Variants in DNAH5 observed in about 807,000 individuals in gnomAD.
The protein encoded by DNAH5 is dynein axonemal heavy chain 5.
DNAH5 carries 372 observed loss-of-function variants against 518.2 expected under a neutral mutation model. The observed-to-expected ratio is 0.72, with a 90% CI of 0.66 to 0.78. The LOEUF is 0.78. Ranked by LOEUF, DNAH5 falls within the 30% of genes least tolerant of loss-of-function variation. The pLI, the probability that DNAH5 is intolerant of heterozygous loss-of-function variation, is 0.00. For synonymous variants in DNAH5, 2,039 were observed against 2,025.9 expected (o/e 1.01, Z -0.17); for missense variants, 5,523 against 5,687.0 (o/e 0.97, Z 0.93).
At chr5:13,890,041 G>C (rs576061998) in intron 17 of DNAH5, among the ~76,000 whole-genome samples, 2 of 152,178 alleles carry the variant, frequency 1.3e-5, no homozygotes, top group African/African-American at 2.4e-5. Context: ...ACTGCTCCCA[G>C]GAGCTTACTC....
chr5:13,820,699 C>A (rs1344224637), intron 40 of DNAH5, among the ~76,000 whole-genome samples, 200 bp from the exon 41 acceptor site: 4 of 152,054 alleles, frequency 2.6e-5, no homozygotes, highest in Non-Finnish European at 5.9e-5. Context: ...GTGGTGGGCA[C>A]CTGTAGTCCC....
chr5:13,981,974 A>C (rs1412663616), intron 1 of DNAH5, among the ~76,000 whole-genome samples: 1 of 152,234 alleles, frequency 6.6e-6, no homozygotes, highest in Non-Finnish European at 1.5e-5. Flanking sequence ...CGATTCGGTG[A>C]AATTAAACCA....
At chr5:13,772,502 A>C in intron 55 of DNAH5, among the ~76,000 whole-genome samples, 1 of 152,228 alleles carries the variant, frequency 6.6e-6, no homozygotes, top group East Asian at 1.9e-4. Flanking sequence ...GTGCCTGCTG[A>C]GATTCAGTCA....
rs760482011 is a variant in DNAH5, at chr5:13,692,079, C to T, written c.13780G>A (p.Asp4594Asn). 3.7e-6 allele frequency: 6 copies of T among 1,613,938 alleles called. No homozygotes were observed. The highest frequency in any genetic ancestry group is 5.1e-6 in the Non-Finnish European group (6 of 1,179,988). Residue 4594 changes from aspartate (D) to asparagine (N), a missense_variant, in exon 79 of 79, where the codon GAC becomes AAC. By Grantham distance (23) the Asp-to-Asn change is conservative (BLOSUM62 1). Around this residue, in one of 3 missense-constraint regions of DNAH5, gnomAD observed 387 missense variants for 430.0 expected, o/e 0.90. Coordinates refer to ENST00000265104, the MANE Select transcript of DNAH5 (RefSeq NM_001369.3). ...TCCACAGCGGCAATGTAGTTCAAGT[C>T]CGTTCGAACTGGCTTCTTATAGATG... ...CPIYKKPVRT[D>N]LNYIAAVDLR...
At position 13,910,657 on chromosome 5, in the gene DNAH5, C is replaced by G. The variant is rs879479956; in HGVS notation, c.1644+729G>C. Reference sequence around the variant, plus strand: ...TGTCTTCCCATCTTACCCTCCCTGACTCCCCTTTCCTGATAATAAACATTC... The same window carrying G: ...TGTCTTCCCATCTTACCCTCCCTGAGTCCCCTTTCCTGATAATAAACATTC... On this transcript the variant is annotated intron_variant, in intron 12 of 78. Coordinates refer to ENST00000265104, the MANE Select transcript of DNAH5 (RefSeq NM_001369.3). Among the ~76,000 whole-genome samples, 6 of 152,294 alleles carry G rather than the reference C, an allele frequency of 3.9e-5. No individual in the cohort carries two copies. The South Asian group carries it at 1.2e-3, about 32-fold the overall frequency.
intron 58 of DNAH5, among the ~76,000 whole-genome samples, chr5:13,766,465 A>G (rs1752528446): frequency 6.6e-6 from 1 of 152,224 alleles, no homozygotes; most frequent in Admixed American, 6.5e-5. Flanking sequence ...AGAAAAAAGA[A>G]AGGCATAATC....
chr5:13,963,721 T>G (rs896677263), intron 1 of DNAH5, among the ~76,000 whole-genome samples: 2 of 151,984 alleles, frequency 1.3e-5, no homozygotes, highest in South Asian at 2.1e-4. Flanking sequence ...AAAATTGCTC[T>G]CCCCACTACC....
At chr5:13,853,212 T>G (rs1375579079) in intron 30 of DNAH5, among the ~76,000 whole-genome samples, 1 of 152,134 alleles carries the variant, frequency 6.6e-6, no homozygotes, top group Non-Finnish European at 1.5e-5. Flanking sequence ...CCTCCGCTGG[T>G]GATACCCAGG....
In DNAH5 at chr5:13,928,167, A is replaced by G. The variant is rs1778074557; in HGVS notation, c.204T>C (p.Ile68=). ...GACCTCCAACAGCAAAAAGTTGATC[A>G]ATTCTTTCAATCTGGGAAAAAGAAA... ...AILEGNQIER[I]DQLFAVGGLR... is the part of the protein sequence containing the mutation. The change falls in exon 3 of 79, where the codon ATT becomes ATC. Residue 68 remains isoleucine, a synonymous_variant. Transcript: ENST00000265104. 1 of 1,613,312 alleles carries G rather than the reference A, an allele frequency of 6.2e-7. No homozygotes were observed. Among genetic ancestry groups the G allele is most frequent in the South Asian group, 1.1e-5 (1 of 91,072 alleles).
At chr5:13,869,417 A>T (rs1423027183) in intron 24 of DNAH5, among the ~76,000 whole-genome samples, 2 of 152,156 alleles carry the variant, frequency 1.3e-5, no homozygotes, top group Non-Finnish European at 2.9e-5. Context: ...GGAGGTTAAC[A>T]GCACCCCCTG....
intron 33 of DNAH5, 114 bp from the exon 34 acceptor site, chr5:13,841,244 A>T: frequency 1.2e-6 from 1 of 816,192 alleles, no homozygotes; most frequent in Non-Finnish European, 2.0e-6. Flanking sequence ...CCATGATTAC[A>T]TCAACTTTGA....
At chr5:13,795,616 G>C (rs903444837) in intron 47 of DNAH5, among the ~76,000 whole-genome samples, 2 of 152,190 alleles carry the variant, frequency 1.3e-5, no homozygotes, top group Non-Finnish European at 2.9e-5. Context: ...AATTCTACCA[G>C]AGGTACGAAG....
rs149724854 is a variant in DNAH5 at position 13,783,814 on chromosome 5, G to A, written c.8820+2365C>T. Among the ~76,000 whole-genome samples, 111 of 152,322 alleles carry A rather than the reference G, an allele frequency of 7.3e-4. 1 individual carries two copies. Among genetic ancestry groups the A allele is most frequent in the East Asian group, 6.7e-3 (35 of 5,188 alleles). ...CTATCGTGCCTTGTAACTAGGCCAC[G>A]TATTTCAAGGCTCACAGCAGCATGA... is the stretch of plus-strand genomic sequence containing the variant. On this transcript the variant is annotated intron_variant, in intron 52 of 78. Transcript: ENST00000265104.
chr5:13,930,818 T>C (rs1778340647), intron 2 of DNAH5, among the ~76,000 whole-genome samples: 1 of 152,198 alleles, frequency 6.6e-6, no homozygotes, highest in Admixed American at 6.5e-5. Context: ...TCCCCGGCTT[T>C]AGTTTCCAAA....
chr5:13,820,767 G>A (rs543884214), intron 40 of DNAH5, among the ~76,000 whole-genome samples: 15 of 142,942 alleles, frequency 1.0e-4, no homozygotes, highest in Non-Finnish European at 2.3e-4. Flanking sequence ...AGAGGTTGCA[G>A]TAAGCCGAGA....
intron 29 of DNAH5, among the ~76,000 whole-genome samples, chr5:13,860,144 T>C (rs536191019): frequency 7.2e-5 from 11 of 152,314 alleles, no homozygotes; most frequent in Non-Finnish European, 1.6e-4. Flanking sequence ...TGTACATGTG[T>C]GCAAGATTAC....
intron 1 of DNAH5, among the ~76,000 whole-genome samples, chr5:14,006,878 C>A (rs1397669051): frequency 6.6e-6 from 1 of 152,196 alleles, no homozygotes; most frequent in Non-Finnish European, 1.5e-5. Flanking sequence ...GCCCTGGCTG[C>A]AGCATCTCCT....
At chr5:13,704,048 G>T (rs1742466203) in intron 76 of DNAH5, among the ~76,000 whole-genome samples, 1 of 152,120 alleles carries the variant, frequency 6.6e-6, no homozygotes, top group African/African-American at 2.4e-5. Context: ...CCACAATGAG[G>T]GTCCCAGAGT....
At chr5:13,927,508 A>T (rs1778009788) in intron 3 of DNAH5, among the ~76,000 whole-genome samples, 1 of 152,146 alleles carries the variant, frequency 6.6e-6, no homozygotes, top group East Asian at 1.9e-4. Flanking sequence ...ACTCTGTCTC[A>T]AAAAATAATA....
Sources: allele counts gnomAD v4.1 joint callset (sites outside exome capture counted in the v4.1 genomes callset), GRCh38; gene constraint gnomAD v4.1.1; regional missense constraint gnomAD v4.1.1; transcripts MANE v1.5; gene names NCBI Gene and HGNC (gene_info 2026-07-23, HGNC 2026-07-21).